USP32: variants seen among roughly 807,000 people sequenced by gnomAD.
The protein encoded by USP32 is ubiquitin carboxyl-terminal hydrolase 32.
A neutral mutation model predicts 204.8 loss-of-function variants in USP32; 59 were observed. The observed-to-expected ratio is 0.29, with a 90% CI of 0.23 to 0.36. The LOEUF (loss-of-function observed/expected upper bound fraction) is 0.36, where lower values mean the gene tolerates loss of function less well. Among genes scored for constraint, USP32 ranks in the 10% least tolerant of loss-of-function variants. USP32 has a pLI of 1.00. For synonymous variants in USP32, 517 were observed against 678.4 expected (o/e 0.76, Z 3.70); for missense variants, 1,160 against 1,946.4 (o/e 0.60, Z 7.60).
intron 1 of USP32, among the ~76,000 whole-genome samples, chr17:60,398,067 TA>T (rs1740414603): frequency 6.6e-6 from 1 of 152,164 alleles, no homozygotes; most frequent in African/African-American, 2.4e-5. Flanking sequence ...AGCATTTAGT[TA>T]AAATTGTTTT....
intron 11 of USP32, among the ~76,000 whole-genome samples, chr17:60,247,407 TG>T (rs1161666365): frequency 6.6e-6 from 1 of 152,184 alleles, no homozygotes; most frequent in African/African-American, 2.4e-5. Context: ...CTCGAACTCC[TG>T]GCCTCAGGTG....
At chr17:60,244,588 T>C (rs541578427) in intron 11 of USP32, among the ~76,000 whole-genome samples, 4 of 152,320 alleles carry the variant, frequency 2.6e-5, no homozygotes, top group Non-Finnish European at 4.4e-5. Context: ...GAGATTGTTG[T>C]AGGGTTTACA....
intron 15 of USP32, among the ~76,000 whole-genome samples, chr17:60,220,579 ATTG>A (rs2085217391): frequency 6.6e-6 from 1 of 152,118 alleles, no homozygotes; most frequent in Admixed American, 6.6e-5. Context: ...TTATCAAAAT[ATTG>A]TTGTAAGAGT....
chr17:60,339,274 T>C (rs538116900), intron 2 of USP32, among the ~76,000 whole-genome samples: 2 of 152,202 alleles, frequency 1.3e-5, no homozygotes, highest in South Asian at 4.2e-4. Context: ...TAATGAGATA[T>C]GCACATAAGT....
chr17:60,398,823 A>T (rs762573946), intron 1 of USP32, among the ~76,000 whole-genome samples: 1 of 151,912 alleles, frequency 6.6e-6, no homozygotes, highest in Non-Finnish European at 1.5e-5. Flanking sequence ...ACAAAAAAAA[A>T]AAATTTAATT....
At chr17:60,361,032 G>C (rs1007769849) in intron 1 of USP32, among the ~76,000 whole-genome samples, 2 of 152,092 alleles carry the variant, frequency 1.3e-5, no homozygotes, top group African/African-American at 4.8e-5. Context: ...GGGAGACTGA[G>C]GCAGGAAAAT....
intron 1 of USP32, among the ~76,000 whole-genome samples, chr17:60,419,631 G>A (rs2090090573): frequency 6.6e-6 from 1 of 151,176 alleles, no homozygotes; most frequent in Non-Finnish European, 1.5e-5. Context: ...TACTCGGGAG[G>A]CTGAGGCAAG....
chr17:60,238,204 G>A (rs898462045), intron 11 of USP32, among the ~76,000 whole-genome samples: 8 of 152,160 alleles, frequency 5.3e-5, no homozygotes, highest in African/African-American at 1.4e-4. Context: ...GGAGAAACAT[G>A]TATTCAAGTC....
chr17:60,409,457 T>A (rs1476916738), intron 1 of USP32, among the ~76,000 whole-genome samples: 4 of 152,064 alleles, frequency 2.6e-5, no homozygotes. Context: ...AAATTCAACA[T>A]GGCAGCTGGC....
chr17:60,279,611 T>A (rs539373114), intron 5 of USP32, among the ~76,000 whole-genome samples: 1 of 151,592 alleles, frequency 6.6e-6, no homozygotes, highest in African/African-American at 2.4e-5. Context: ...CTGAGGCAGG[T>A]AGATCACTAG....
In USP32 at chr17:60,305,678, GT is replaced by G. The variant is rs1161137345; in HGVS notation, c.187-3975del. On this transcript the variant is annotated intron_variant, in intron 2 of 33. Transcript: ENST00000300896. ...AACAAATTCAATTTATAAACACTGA[GT>G]TTTTGGCATCCCTTTCCATTCACTG... Among the ~76,000 whole-genome samples, 9 of 152,158 alleles carry G rather than the reference GT, an allele frequency of 5.9e-5. No individual in the cohort carries two copies. The East Asian group carries it at 1.7e-3, about 29-fold the overall frequency.
intron 5 of USP32, among the ~76,000 whole-genome samples, chr17:60,280,147 A>G (rs1036171785): frequency 6.6e-6 from 1 of 152,004 alleles, no homozygotes; most frequent in Non-Finnish European, 1.5e-5. Flanking sequence ...CCCAGGCTGG[A>G]GTGCAATGGC....
intron 1 of USP32, among the ~76,000 whole-genome samples, chr17:60,413,411 G>A (rs992796481): frequency 6.6e-6 from 1 of 152,180 alleles, no homozygotes; most frequent in Admixed American, 6.5e-5. Context: ...GGTTTTTAAA[G>A]GCAGGGAGAC....
At chr17:60,255,382 C>T (rs1007199053) in intron 9 of USP32, 124 bp from the exon 10 acceptor site, 6 of 642,282 alleles carry the variant, frequency 9.3e-6, no homozygotes, top group African/African-American at 3.8e-5. Flanking sequence ...ACTGAAACCT[C>T]GGCCTCCTGG....
intron 1 of USP32, among the ~76,000 whole-genome samples, chr17:60,386,710 T>C (rs920621714): frequency 8.5e-5 from 13 of 152,276 alleles, no homozygotes; most frequent in Middle Eastern, 6.8e-3. Context: ...ACAAGAGCTG[T>C]CCAGTTTGGT....
chr17:60,227,063 A>G (rs951796933), intron 12 of USP32, among the ~76,000 whole-genome samples: 2 of 144,016 alleles, frequency 1.4e-5, no homozygotes, highest in African/African-American at 2.8e-5. Flanking sequence ...AAAAAAAATC[A>G]TATTTTTTTC....
intron 26 of USP32, among the ~76,000 whole-genome samples, chr17:60,199,811 C>G (rs1431873538): frequency 6.6e-6 from 1 of 152,190 alleles, no homozygotes; most frequent in African/African-American, 2.4e-5. Flanking sequence ...TTCATCCTCT[C>G]ATTAAGGAAC....
At chr17:60,365,110 T>C (rs932114099) in intron 1 of USP32, among the ~76,000 whole-genome samples, 6 of 152,216 alleles carry the variant, frequency 3.9e-5, no homozygotes, top group African/African-American at 1.4e-4. Context: ...AAAATGTTCA[T>C]TGTTTTCCAG....
intron 1 of USP32, among the ~76,000 whole-genome samples, chr17:60,385,299 G>A (rs1274954796): frequency 1.3e-5 from 2 of 151,806 alleles, no homozygotes; most frequent in Non-Finnish European, 2.9e-5. Flanking sequence ...ATCTCCCTTC[G>A]CTGACTTTCT....
Sources: gnomAD v4.1 joint callset for allele counts (sites outside exome capture counted in the v4.1 genomes callset) on GRCh38, gnomAD v4.1.1 for gene constraint, MANE v1.5 for transcripts, NCBI Gene and HGNC (gene_info 2026-07-23, HGNC 2026-07-21) for gene names.